The following LGR6 variants were observed in gnomAD, a reference collection of about 807,000 sequenced individuals.
The protein encoded by LGR6 is leucine-rich repeat-containing G protein-coupled receptor 6.
Under a neutral mutation model 69.4 loss-of-function variants are expected in LGR6, and 45 were observed. The observed-to-expected ratio is 0.65, with a 90% confidence interval of 0.51 to 0.83. The LOEUF is 0.83. LGR6 is among the 40% of genes least tolerant of loss of function. The pLI is 0.00. For missense variants in LGR6, 1,108 were observed against 1,246.7 expected, an observed-to-expected ratio of 0.89 and a Z score of 1.68; for synonymous variants, 538 against 555.0, an observed-to-expected ratio of 0.97 and a Z score of 0.43.
At chr1:202,240,577 G>C (rs1662103562) in intron 4 of LGR6, among the ~76,000 whole-genome samples, 1 of 151,992 alleles carries the variant, frequency 6.6e-6, no homozygotes, top group African/African-American at 2.4e-5. Context: ...TGTGTGTGTT[G>C]GTGGGAAGAG....
chr1:202,315,798 T>G (rs188189482), intron 17 of LGR6, among the ~76,000 whole-genome samples: 14 of 152,310 alleles, frequency 9.2e-5, no homozygotes, highest in Admixed American at 9.2e-4. Flanking sequence ...TAGTGCCAGC[T>G]TGGGGCCAGA....
intron 4 of LGR6, among the ~76,000 whole-genome samples, chr1:202,274,816 A>T (rs936072461): frequency 1.3e-5 from 2 of 152,184 alleles, no homozygotes; most frequent in African/African-American, 4.8e-5. Flanking sequence ...AGCAGAGGGC[A>T]CTCACTGAAG....
rs1413386425 is a variant in LGR6, at chr1:202,313,839, G to A, written c.1568-963G>A. Among the ~76,000 whole-genome samples the A allele has an allele frequency of 3.3e-5, 5 of 152,260 alleles. No individual in the cohort carries two copies. The South Asian group carries it at 1.0e-3, about 32-fold the overall frequency. The stretch of plus-strand genomic sequence containing the variant: ...CCTTAAAAATTTGTCTTTTCTTTAT[G>A]CTAGGAACATTCAAATTATTCCCTT... On this transcript the variant is annotated intron_variant, in intron 16 of 17. Coordinates refer to ENST00000367278, the MANE Select transcript of LGR6 (RefSeq NM_001017403.2).
chr1:202,229,464 G>T (rs781470443), intron 3 of LGR6, among the ~76,000 whole-genome samples: 39 of 152,236 alleles, frequency 2.6e-4, no homozygotes, highest in Non-Finnish European at 4.7e-4. Context: ...TCTGTGCCCA[G>T]TGGCAGGCTC....
At chr1:202,253,571 G>A (rs991198775) in intron 4 of LGR6, among the ~76,000 whole-genome samples, 2 of 151,530 alleles carry the variant, frequency 1.3e-5, no homozygotes, top group African/African-American at 4.9e-5. Flanking sequence ...CCAAAGTGCT[G>A]GGACTACAGG....
At chr1:202,280,299 G>A (rs1665905737) in intron 5 of LGR6, among the ~76,000 whole-genome samples, 1 of 152,226 alleles carries the variant, frequency 6.6e-6, no homozygotes, top group African/African-American at 2.4e-5. Flanking sequence ...CAATCTGCCT[G>A]TTCTCTGAGT....
At chr1:202,238,862 G>C (rs957858358) in intron 4 of LGR6, among the ~76,000 whole-genome samples, 7 of 152,168 alleles carry the variant, frequency 4.6e-5, no homozygotes, top group Non-Finnish European at 1.0e-4. Flanking sequence ...AAGGCACAAA[G>C]TTAAGAAGGA....
At position 202,198,582 on chromosome 1, in the gene LGR6, G is replaced by C. The variant is rs1558000720; in HGVS notation, c.212+4381G>C. Among the ~76,000 whole-genome samples, 3 of 152,064 alleles carry C rather than the reference G, an allele frequency of 2.0e-5. No individual in the cohort carries two copies. In the South Asian group the frequency reaches 6.2e-4, roughly 31 times the overall value. The stretch of plus-strand genomic sequence containing the variant: ...CTGTTCTATGAAAGGCATAGGATAG[G>C]TGTGTGTGTAGTTGGGGGCTGTGAG... On this transcript the variant is annotated intron_variant, in intron 1 of 17. Transcript: ENST00000367278.
intron 7 of LGR6, among the ~76,000 whole-genome samples, chr1:202,298,336 A>G (rs1401840232): frequency 1.3e-5 from 2 of 152,138 alleles, no homozygotes; most frequent in African/African-American, 4.8e-5. Flanking sequence ...TTTCAGAGGA[A>G]GAAATTGTAG....
intron 1 of LGR6, among the ~76,000 whole-genome samples, chr1:202,216,350 C>T (rs1346500874): frequency 2.0e-5 from 3 of 152,262 alleles, no homozygotes; most frequent in South Asian, 2.1e-4. Flanking sequence ...TCGCAGAAGC[C>T]AGTAAGTGGC....
At chr1:202,304,217 G>T (rs978221194) in intron 10 of LGR6, among the ~76,000 whole-genome samples, 5 of 152,194 alleles carry the variant, frequency 3.3e-5, no homozygotes, top group Non-Finnish European at 7.3e-5. Context: ...CAGCAGAGAA[G>T]ATTTGTGTCC....
chr1:202,195,182 G>A (rs910701368), intron 1 of LGR6, among the ~76,000 whole-genome samples: 383 of 147,126 alleles, frequency 2.6e-3, no homozygotes, highest in Admixed American at 7.8e-3. Context: ...AAGCCTGGTG[G>A]GGCCTTCTGC....
intron 16 of LGR6, among the ~76,000 whole-genome samples, chr1:202,310,564 A>G (rs1653642953): frequency 6.6e-6 from 1 of 152,108 alleles, no homozygotes; most frequent in South Asian, 2.1e-4. Context: ...GGTGCTTGGG[A>G]CAAAGTAATG....
intron 1 of LGR6, among the ~76,000 whole-genome samples, chr1:202,208,107 C>T (rs751500154): frequency 2.0e-4 from 31 of 152,174 alleles, no homozygotes; most frequent in Non-Finnish European, 3.4e-4. Context: ...TGAGGAGTTG[C>T]ATGAGTCCTC....
intron 9 of LGR6, among the ~76,000 whole-genome samples, chr1:202,302,209 A>G (rs989417825): frequency 6.6e-6 from 1 of 152,188 alleles, no homozygotes; most frequent in Non-Finnish European, 1.5e-5. Flanking sequence ...TCACAGTAAC[A>G]TAGCCGACAT....
At chr1:202,295,372 C>CATGTCAT (rs2148235868) in intron 6 of LGR6, among the ~76,000 whole-genome samples, 1 of 151,432 alleles carries the variant, frequency 6.6e-6, no homozygotes, top group South Asian at 2.1e-4. Context: ...AAGATACTTC[C>CATGTCAT]ATGTCATTTA....
chr1:202,203,873 C>G, intron 1 of LGR6: 1 of 1,612,260 alleles, frequency 6.2e-7, no homozygotes, highest in Non-Finnish European at 8.5e-7. Flanking sequence ...TCATCTCTGC[C>G]CGGTGAGTTG....
intron 4 of LGR6, among the ~76,000 whole-genome samples, chr1:202,248,152 C>T (rs534275534): frequency 1.6e-4 from 24 of 152,330 alleles, no homozygotes; most frequent in Admixed American, 1.5e-3. Context: ...GCTGAGGCTG[C>T]GTGGGTGGAG....
At chr1:202,264,850 G>A (rs1394559847) in intron 4 of LGR6, among the ~76,000 whole-genome samples, 3 of 151,952 alleles carry the variant, frequency 2.0e-5, no homozygotes, top group Non-Finnish European at 2.9e-5. Context: ...TTCTCTGCCC[G>A]CCCCCGCCAC....
Sources: gnomAD v4.1 joint callset for allele counts (sites outside exome capture counted in the v4.1 genomes callset) on GRCh38, gnomAD v4.1.1 for gene constraint, MANE v1.5 for transcripts, NCBI Gene and HGNC (gene_info 2026-07-23, HGNC 2026-07-21) for gene names.